Variants in CALD1 observed in about 807,000 individuals in gnomAD.
The protein encoded by CALD1 is caldesmon 1, also known as caldesmon.
In CALD1, 33 loss-of-function variants were observed where a neutral mutation model predicts 99.9. The ratio of observed to expected loss-of-function variants is 0.33; its 90% confidence interval spans 0.25 to 0.44. The LOEUF is 0.44. CALD1 is among the 20% of genes least tolerant of loss of function. The pLI, the probability that CALD1 is intolerant of heterozygous loss-of-function variation, is 1.00. For synonymous variants in CALD1, 310 were observed against 325.0 expected (o/e 0.95, Z 0.50); for missense variants, 861 against 962.1 (o/e 0.89, Z 1.39).
At position 134,889,576 on chromosome 7, in the gene CALD1, G is replaced by A. The variant is rs1274608126; in HGVS notation, c.71+21772G>A. On this transcript the variant is annotated intron_variant, in intron 3 of 14. Coordinates refer to ENST00000361675, the MANE Select transcript of CALD1 (RefSeq NM_033138.4). ...ATTCCACCTACCATAGAAAACCACCGACTTTTGTAAGTAATTGAAGGGAAA... is the reference window on the plus strand; with the variant it reads ...ATTCCACCTACCATAGAAAACCACCAACTTTTGTAAGTAATTGAAGGGAAA... Among the ~76,000 whole-genome samples the A allele has an allele frequency of 2.0e-5, 3 of 152,160 alleles. 1 individual carries two copies. Among genetic ancestry groups the A allele is most frequent in the African/African-American group, 4.8e-5 (2 of 41,430 alleles).
At chr7:134,735,535 TTC>T in the CALD1 span, among the ~76,000 whole-genome samples, 1 of 150,150 alleles carries the variant, frequency 6.7e-6, no homozygotes, top group Non-Finnish European at 1.5e-5. Context: ...GGAATGCTAT[TTC>T]TCTCTTTCTT....
Position 134,958,207 on chromosome 7 carries a change from A to T in CALD1, c.1980-2A>T, listed in dbSNP as rs1807921561. 6.2e-7 allele frequency: 1 copy of T among 1,613,866 alleles called. No homozygotes were observed. Among genetic ancestry groups the T allele is most frequent in the Non-Finnish European group, 8.5e-7 (1 of 1,179,856 alleles). ...TTTATATGTATGTGTTTACTTTTTT[A>T]GCAGTGGTGTCAAATCGACCCATCA... On this transcript the variant is annotated splice_acceptor_variant, in intron 10 of 14. Transcript: ENST00000361675. LOFTEE classifies it high-confidence loss of function.
At chr7:134,796,305 G>A (rs1404092553) in intron 1 of CALD1, among the ~76,000 whole-genome samples, 2 of 152,184 alleles carry the variant, frequency 1.3e-5, no homozygotes, top group African/African-American at 2.4e-5. Flanking sequence ...TCTCTATGAT[G>A]CCAAGGTGGG....
At chr7:134,747,514 T>C (rs754279669) in intron 1 of CALD1, among the ~76,000 whole-genome samples, 1 of 152,220 alleles carries the variant, frequency 6.6e-6, no homozygotes, top group Non-Finnish European at 1.5e-5. Flanking sequence ...TTCGAGACAA[T>C]GGATTAAGAA....
intron 1 of CALD1, among the ~76,000 whole-genome samples, chr7:134,790,628 G>A (rs1319759630): frequency 2.0e-5 from 3 of 152,184 alleles, no homozygotes; most frequent in Admixed American, 2.0e-4. Context: ...ACTATTGACT[G>A]GAGAGGTTGC....
intron 7 of CALD1, among the ~76,000 whole-genome samples, chr7:134,945,997 C>T (rs1272788497): frequency 3.9e-5 from 6 of 152,262 alleles, no homozygotes; most frequent in East Asian, 1.9e-4. Context: ...CCATTCCCAG[C>T]GCCTGAACCT....
intron 1 of CALD1, among the ~76,000 whole-genome samples, chr7:134,752,958 C>T (rs972035406): frequency 1.4e-5 from 2 of 146,630 alleles, no homozygotes; most frequent in Admixed American, 7.0e-5. Flanking sequence ...TTCAGTGAGC[C>T]GAGACAGCAC....
intron 3 of CALD1, among the ~76,000 whole-genome samples, chr7:134,892,464 C>T (rs1802271604): frequency 6.6e-6 from 1 of 152,172 alleles, no homozygotes; most frequent in South Asian, 2.1e-4. Context: ...CACCAAATGG[C>T]CTTTCAGTAA....
rs1230143790 is a variant in CALD1, at chr7:134,756,286, A to AAATT, written c.-130+11925_-130+11926insTTAA. On this transcript the variant is annotated intron_variant, in intron 1 of 13. Coordinates refer to the CALD1 transcript ENST00000417172. The stretch of plus-strand genomic sequence containing the variant: ...AGACTTTGTCTCAAAAAAAAAAAAA[A>AAATT]AAAAACTAAAAATTAAAAAAAACCT... 4.0e-5 allele frequency among the ~76,000 whole-genome samples: 6 copies of AAATT among 150,326 alleles called. No homozygotes were observed. In the East Asian group the frequency reaches 1.2e-3, roughly 29 times the overall value.
At chr7:134,864,295 C>T (rs555419218) in intron 2 of CALD1, among the ~76,000 whole-genome samples, 21 of 146,438 alleles carry the variant, frequency 1.4e-4, no homozygotes, top group Admixed American at 6.2e-4. Context: ...TGCAGTGAGC[C>T]GAGATCGCGC....
intron 1 of CALD1, among the ~76,000 whole-genome samples, chr7:134,837,892 G>C (rs527362559): frequency 7.2e-5 from 11 of 152,154 alleles, no homozygotes; most frequent in Middle Eastern, 3.2e-3. Context: ...CTTCTCTTAG[G>C]TTATTAAGTG....
At chr7:134,920,538 G>A (rs1804537099) in intron 3 of CALD1, 3 of 1,244,332 alleles carry the variant, frequency 2.4e-6, no homozygotes, top group Non-Finnish European at 3.1e-6. Flanking sequence ...CATGGGGAGT[G>A]TATTGCTGCA....
chr7:134,910,078 A>G (rs2132689901), intron 3 of CALD1, among the ~76,000 whole-genome samples: 1 of 152,322 alleles, frequency 6.6e-6, no homozygotes, highest in African/African-American at 2.4e-5. Context: ...GAATATAGTC[A>G]ATATAGTGTT....
At chr7:134,792,698 T>G (rs1797587761) in intron 1 of CALD1, among the ~76,000 whole-genome samples, 1 of 152,186 alleles carries the variant, frequency 6.6e-6, no homozygotes, top group African/African-American at 2.4e-5. Flanking sequence ...TAAGGTCACA[T>G]TCTGAGGTCT....
chr7:134,747,825 T>C (rs932912573), intron 1 of CALD1, among the ~76,000 whole-genome samples: 2 of 152,202 alleles, frequency 1.3e-5, no homozygotes, highest in Non-Finnish European at 2.9e-5. Flanking sequence ...GGGGCCACCA[T>C]AGAGAGTCCC....
chr7:134,862,553 A>G (rs1800608369), intron 2 of CALD1, among the ~76,000 whole-genome samples: 1 of 152,166 alleles, frequency 6.6e-6, no homozygotes, highest in Non-Finnish European at 1.5e-5. Flanking sequence ...AGTGATTGCC[A>G]GGGTTTTGGA....
intron 1 of CALD1, among the ~76,000 whole-genome samples, chr7:134,841,202 T>C (rs1586080655): frequency 6.6e-6 from 1 of 152,190 alleles, no homozygotes; most frequent in African/African-American, 2.4e-5. Context: ...GTTAAATGAC[T>C]CGTACAAGGT....
chr7:134,849,789 TAG>T (rs1237604325), intron 2 of CALD1, among the ~76,000 whole-genome samples: 1 of 152,164 alleles, frequency 6.6e-6, no homozygotes, highest in Non-Finnish European at 1.5e-5. Context: ...GTGAAGTCAG[TAG>T]AGTTTAAGCC....
At chr7:134,902,450 C>T (rs563120083) in intron 3 of CALD1, among the ~76,000 whole-genome samples, 1 of 152,076 alleles carries the variant, frequency 6.6e-6, no homozygotes, top group South Asian at 2.1e-4. Flanking sequence ...TCTGTTTTTC[C>T]TGAATCTGAA....
Sources: gnomAD v4.1 joint callset for allele counts (sites outside exome capture counted in the v4.1 genomes callset) on GRCh38, gnomAD v4.1.1 for gene constraint, MANE v1.5 for transcripts, NCBI Gene and HGNC (gene_info 2026-07-23, HGNC 2026-07-21) for gene names.